TRAPPC9: variants seen among roughly 807,000 people sequenced by gnomAD.
The protein encoded by TRAPPC9 is IKK2 binding protein.
A neutral mutation model predicts 124.0 loss-of-function variants in TRAPPC9; 83 were observed. The ratio of observed to expected loss-of-function variants is 0.67; its 90% CI spans 0.56 to 0.80. The LOEUF (loss-of-function observed/expected upper bound fraction) is 0.80, where lower values mean the gene tolerates loss of function less well. TRAPPC9 is among the 30% of genes least tolerant of loss of function. The pLI is 0.00. For missense variants in TRAPPC9, 1,302 were observed against 1,508.3 expected (o/e 0.86, Z 2.27); for synonymous variants, 638 against 617.5 (o/e 1.03, Z -0.49).
intron 2 of TRAPPC9, among the ~76,000 whole-genome samples, chr8:140,446,552 T>G (rs565128868): frequency 1.3e-5 from 2 of 152,104 alleles, no homozygotes; most frequent in Admixed American, 1.3e-4. Context: ...CTGGTGTGGG[T>G]TTTTTTGTTT....
At chr8:139,913,521 C>T (rs1424573062) in intron 19 of TRAPPC9, among the ~76,000 whole-genome samples, 1 of 152,200 alleles carries the variant, frequency 6.6e-6, no homozygotes, top group African/African-American at 2.4e-5. Flanking sequence ...TAAAGAGAGA[C>T]CATTTCTTGC....
rs147583076 is a variant in TRAPPC9, at chr8:140,068,144, G to A, written c.2557-44065C>T. Reference sequence around the variant, plus strand: ...GCTCCTTACAAGCAAGGATTATGACGGATTCACCCTCACGGCCCCAGTGCT... The same window carrying A: ...GCTCCTTACAAGCAAGGATTATGACAGATTCACCCTCACGGCCCCAGTGCT... On this transcript the variant is annotated intron_variant, in intron 17 of 22. Transcript: ENST00000438773. 7.2e-5 allele frequency among the ~76,000 whole-genome samples: 11 copies of A among 152,222 alleles called. No homozygotes were observed. The East Asian group carries it at 1.2e-3, about 16-fold the overall frequency.
chr8:140,011,197 G>A (rs2131847173), intron 18 of TRAPPC9, among the ~76,000 whole-genome samples: 1 of 151,900 alleles, frequency 6.6e-6, no homozygotes, highest in South Asian at 2.1e-4. Context: ...AAAATTAGCT[G>A]GGCGTGGTGA....
At position 140,197,771 on chromosome 8, in the gene TRAPPC9, C is replaced by T. The variant is rs2062703218; in HGVS notation, c.2556+23688G>A. On this transcript the variant is annotated intron_variant, in intron 17 of 22. Transcript: ENST00000438773. Reference sequence around the variant, plus strand: ...AAGAGAACAGAACAAAAGAAAACAACGCGAGATTTGTCACGGGGGAGCCAG... The same window carrying T: ...AAGAGAACAGAACAAAAGAAAACAATGCGAGATTTGTCACGGGGGAGCCAG... Among the ~76,000 whole-genome samples, 10 of 151,938 alleles carry T rather than the reference C, an allele frequency of 6.6e-5. 1 individual carries two copies. The South Asian group carries it at 2.1e-3, about 32-fold the overall frequency.
chr8:139,874,210 C>T (rs1411098360), intron 21 of TRAPPC9, among the ~76,000 whole-genome samples: 1 of 152,260 alleles, frequency 6.6e-6, no homozygotes, highest in Non-Finnish European at 1.5e-5. Flanking sequence ...GGGACTGTCT[C>T]AGTGCATCTG....
At chr8:140,279,937 G>A (rs962676549) in intron 14 of TRAPPC9, among the ~76,000 whole-genome samples, 3 of 152,088 alleles carry the variant, frequency 2.0e-5, no homozygotes, top group Non-Finnish European at 4.4e-5. Flanking sequence ...GCGTTTCTTC[G>A]CCTTAAGCCA....
intron 17 of TRAPPC9, among the ~76,000 whole-genome samples, chr8:140,109,279 T>G (rs2060720948): frequency 6.6e-6 from 1 of 152,022 alleles, no homozygotes. Context: ...GGGGCACTAA[T>G]AATAATTACT....
chr8:139,879,696 A>G (rs1410874708), intron 21 of TRAPPC9, among the ~76,000 whole-genome samples: 2 of 152,160 alleles, frequency 1.3e-5, no homozygotes, highest in African/African-American at 4.8e-5. Flanking sequence ...CTCCTCTCCT[A>G]GCCTGGAGTT....
chr8:140,336,324 A>T (rs1345094384), intron 9 of TRAPPC9, among the ~76,000 whole-genome samples: 1 of 152,222 alleles, frequency 6.6e-6, no homozygotes, highest in Non-Finnish European at 1.5e-5. Flanking sequence ...TGTGGCTGCA[A>T]GCCAGCCGAG....
chr8:140,221,396 C>G, intron 17 of TRAPPC9, 63 bp downstream of exon 17: 1 of 1,610,168 alleles, frequency 6.2e-7, no homozygotes. Flanking sequence ...AGCTGTGCTT[C>G]AGAAACGGCT....
At position 139,846,391 on chromosome 8, in the gene TRAPPC9, G is replaced by A. The variant is rs554529676; in HGVS notation, c.3055+39488C>T. On this transcript the variant is annotated intron_variant, in intron 21 of 22. Transcript: ENST00000438773. ...TGCTGTTTTCCTATCCATGGCCCACGACCAGGCCCCACCAGTTGGCACCAG... is the reference window on the plus strand; with the variant it reads ...TGCTGTTTTCCTATCCATGGCCCACAACCAGGCCCCACCAGTTGGCACCAG... Among the ~76,000 whole-genome samples, 370 of 152,290 alleles carry A rather than the reference G, an allele frequency of 2.4e-3. 3 individuals carry two copies. The South Asian group carries it at 0.031, about 13-fold the overall frequency.
chr8:140,450,980 C>A lies in TRAPPC9; in HGVS notation c.394G>T (p.Val132Leu), dbSNP rs754722286. 1.9e-6 allele frequency: 3 copies of A among 1,614,144 alleles called. No individual in the cohort carries two copies. In the South Asian group the frequency reaches 3.3e-5, roughly 18 times the overall value. Residue 132 changes from valine to leucine, a missense_variant, in exon 2 of 23, where the codon GTG becomes TTG. Around this residue, in one of 3 missense-constraint regions of TRAPPC9, gnomAD observed 657 missense variants for 811.2 expected, o/e 0.81. Coordinates refer to ENST00000438773, the MANE Select transcript of TRAPPC9 (RefSeq NM_001160372.4). The stretch of plus-strand genomic sequence containing the variant: ...TCCTCGTAGTTGGGGTAGAAAGCCA[C>A]GTCGGTGCGCGGCTGCTCCACGATC... ...GEIVEQPRTD[V>L]AFYPNYEDCQ... is the part of the protein sequence containing the mutation.
At chr8:139,915,197 G>A (rs909775283) in intron 19 of TRAPPC9, among the ~76,000 whole-genome samples, 2 of 152,222 alleles carry the variant, frequency 1.3e-5, no homozygotes, top group Admixed American at 6.5e-5. Flanking sequence ...GCCCAGCAAG[G>A]TAACAGCTCT....
At chr8:139,864,744 T>C (rs1828412307) in intron 21 of TRAPPC9, among the ~76,000 whole-genome samples, 1 of 152,174 alleles carries the variant, frequency 6.6e-6, no homozygotes, top group Admixed American at 6.5e-5. Context: ...CCAGGGTCAT[T>C]GTCCTGATCC....
intron 17 of TRAPPC9, among the ~76,000 whole-genome samples, chr8:140,107,853 A>AG (rs774216924): frequency 5.5e-5 from 8 of 144,816 alleles, no homozygotes; most frequent in South Asian, 2.2e-4. Context: ...CAATCTGTGC[A>AG]GGGCAGAGAG....
intron 17 of TRAPPC9, among the ~76,000 whole-genome samples, chr8:140,048,593 C>T (rs1162532225): frequency 1.3e-5 from 2 of 152,162 alleles, no homozygotes; most frequent in Admixed American, 1.3e-4. Context: ...GGAGCTATAG[C>T]TTGGGTGCGG....
intron 19 of TRAPPC9, among the ~76,000 whole-genome samples, chr8:139,958,937 ACTGCATTCCGAGTCACACG>A (rs1835183815): frequency 5.4e-5 from 5 of 92,156 alleles, no homozygotes; most frequent in African/African-American, 2.3e-4. Flanking sequence ...ACGGGGGAGC[ACTGCATTCCGAGTCACACG>A]GGGGAGCCCT....
chr8:140,253,624 G>A (rs932522364), intron 15 of TRAPPC9, among the ~76,000 whole-genome samples: 19 of 151,832 alleles, frequency 1.3e-4, no homozygotes, highest in African/African-American at 4.6e-4. Flanking sequence ...GTTGCAATGA[G>A]CCAAGATCAT....
At chr8:139,784,456 C>G (rs1346825777) in intron 21 of TRAPPC9, among the ~76,000 whole-genome samples, 1 of 151,864 alleles carries the variant, frequency 6.6e-6, no homozygotes, top group African/African-American at 2.4e-5. Flanking sequence ...CACCTGTAAT[C>G]CCGGCCACTC....
Sources: gnomAD v4.1 joint callset for allele counts (sites outside exome capture counted in the v4.1 genomes callset) on GRCh38, gnomAD v4.1.1 for gene constraint, gnomAD v4.1.1 regional missense constraint, MANE v1.5 for transcripts, NCBI Gene and HGNC (gene_info 2026-07-23, HGNC 2026-07-21) for gene names.